The following PRX variants were observed in gnomAD, a reference collection of about 807,000 sequenced individuals.
PRX encodes periaxin.
A neutral mutation model predicts 29.6 loss-of-function variants in PRX; 24 were observed. The ratio of observed to expected loss-of-function variants is 0.81; its 90% CI spans 0.59 to 1.14. The LOEUF (loss-of-function observed/expected upper bound fraction) is 1.14. Among genes scored for constraint, PRX ranks in the 50% most tolerant of loss-of-function variants. The probability of loss-of-function intolerance (pLI) is 0.00; values close to 1 mark genes in which losing one functional copy is unlikely to be tolerated. For missense variants in PRX, 1,838 were observed against 1,926.4 expected (o/e 0.95, Z 0.86); for synonymous variants, 772 against 831.7 (o/e 0.93, Z 1.24).
At position 40,397,007 on chromosome 19, in the gene PRX, C is replaced by T. The variant is rs2145730978; in HGVS notation, c.1345G>A (p.Glu449Lys). The change falls in exon 7 of 7, where the codon GAG (glutamate) becomes AAG (lysine). Residue 449 changes from glutamate to lysine, a missense_variant. By Grantham distance (56) the Glu-to-Lys change is moderately conservative. Around this residue, in one of 3 missense-constraint regions of PRX, gnomAD observed 666 missense variants for 665.0 expected, o/e 1.00. Coordinates refer to ENST00000324001, the MANE Select transcript of PRX (RefSeq NM_181882.3). ...GPEVKLPKAPEVKLPKVPEAA... is the reference protein window; with the variant it reads ...GPEVKLPKAPKVKLPKVPEAA... ...TCGGGCACTTTTGGAAGCTTGACCT[C>T]AGGAGCCTTGGGGAGCTTCACTTCA... The T allele has an allele frequency of 6.2e-7, 1 of 1,614,166 alleles. No homozygotes were observed.
chr19:40,394,517 C>T lies in PRX; in HGVS notation c.3835G>A (p.Val1279Met), dbSNP rs747247972. 7 of 1,600,440 alleles carry T rather than the reference C, an allele frequency of 4.4e-6. No individual in the cohort carries two copies. In the South Asian group the frequency reaches 4.5e-5, roughly 10 times the overall value. Residue 1279 changes from valine to methionine, a missense_variant, in exon 7 of 7, where the codon GTG becomes ATG. Transcript: ENST00000324001. This position sits in a 1 kb window ranked among gnomAD's most constrained non-coding sequence, Gnocchi z 5.8. ...TTGCCCCCGGATGGCGAGAGCTCCACGTCGGGCAGTGAGAGGCAGAAGGTA... is the reference window on the plus strand; with the variant it reads ...TTGCCCCCGGATGGCGAGAGCTCCATGTCGGGCAGTGAGAGGCAGAAGGTA... ...ERTFCLSLPD[V>M]ELSPSGGNHA...
At position 40,397,734 on chromosome 19, in the gene PRX, C is replaced by A. The variant is rs1599656533; in HGVS notation, c.618G>T (p.Arg206=). 6.4e-7 allele frequency: 1 copy of A among 1,561,406 alleles called. No homozygotes were observed. ...TGGGGGGAGGAGCGGCGGCGGCCAG[C>A]CGGGCTGCCTGAGCCTCTTCGGCCA... is the stretch of plus-strand genomic sequence containing the variant. The part of the protein sequence containing the change: ...REVAEEAQAA[R]LAAAAPPPRK... Residue 206 remains arginine (R), a synonymous_variant, in exon 7 of 7, where the codon CGG becomes CGT. Transcript: ENST00000324001.
At chr19:40,411,247 A>C (rs561495366) in intron 1 of PRX, among the ~76,000 whole-genome samples, 1 of 152,334 alleles carries the variant, frequency 6.6e-6, no homozygotes, top group South Asian at 2.1e-4. Context: ...AAACACACCC[A>C]GGCCAGGTGC....
In PRX at chr19:40,397,669, C is replaced by T. The variant is rs562108874; in HGVS notation, c.683G>A (p.Arg228His). ...KVEAEVAAGA[R>H]FTAPQVELVG... is the part of the protein sequence containing the mutation. ...CAGCTCCACCTGAGGGGCTGTGAAA[C>T]GAGCTCCTGCAGCCACCTCAGCCTC... The change falls in exon 7 of 7, where the codon CGT becomes CAT. Residue 228 changes from arginine (R) to histidine (H), a missense_variant. This residue lies in a region of PRX where 666 missense variants were observed against 665.0 expected (regional missense o/e 1.00). Coordinates refer to ENST00000324001, the MANE Select transcript of PRX (RefSeq NM_181882.3). The T allele has an allele frequency of 7.0e-5, 109 of 1,553,730 alleles. No homozygotes were observed. The East Asian group carries it at 1.9e-3, about 28-fold the overall frequency.
upstream of PRX, among the ~76,000 whole-genome samples, chr19:40,414,056 T>C (rs2079571042): frequency 6.6e-6 from 1 of 152,178 alleles, no homozygotes; most frequent in Non-Finnish European, 1.5e-5. Flanking sequence ...ACCTATCACA[T>C]ACTAAGTACC....
In PRX at chr19:40,396,706, G is replaced by A. The variant is rs150582069; in HGVS notation, c.1646C>T (p.Pro549Leu). 32 of 1,613,204 alleles carry A rather than the reference G, an allele frequency of 2.0e-5. No individual in the cohort carries two copies. The African/African-American group carries it at 2.3e-4, about 11-fold the overall frequency. Reference sequence around the variant, plus strand: ...TGGGAGTTTCATCTCTGACACTTTCGGCAGCTGTACCTCTGGAAGCCGCAC... The same window carrying A: ...TGGGAGTTTCATCTCTGACACTTTCAGCAGCTGTACCTCTGGAAGCCGCAC... ...PEVRLPEVQL[P>L]KVSEMKLPEV... The change falls in exon 7 of 7, where the codon CCG becomes CTG. Residue 549 changes from proline to leucine, a missense_variant. Physicochemically the swap from Pro to Leu is moderately conservative, Grantham distance 98 (BLOSUM62 -3). Transcript: ENST00000324001.
intron 5 of PRX, among the ~76,000 whole-genome samples, chr19:40,402,773 T>TAAAA (rs1568713788): frequency 2.0e-5 from 1 of 50,506 alleles, no homozygotes; most frequent in Non-Finnish European, 3.3e-5. Flanking sequence ...AGACTCCGTC[T>TAAAA]CAAAAAAAAA....
chr19:40,412,742 G>C (rs2079564232), intron 1 of PRX, among the ~76,000 whole-genome samples: 2 of 152,076 alleles, frequency 1.3e-5, no homozygotes, highest in South Asian at 4.1e-4. Flanking sequence ...TGGAGACAGG[G>C]TCTCCCTCTG....
Position 40,403,678 on chromosome 19 carries a change from CCCCGCCCCACACCCCGGG to C in PRX, c.184+10_184+27del. On this transcript the variant is annotated intron_variant, in intron 5 of 6. Coordinates refer to ENST00000324001, the MANE Select transcript of PRX (RefSeq NM_181882.3). ...TCCTAACCCCGCCCCCGCAGTTCGA[CCCCGCCCCACACCCCGGG>C]CCCGCCCACCTTCCTGCAGGCTGAG... 6.5e-7 allele frequency: 1 copy of C among 1,531,654 alleles called. No individual in the cohort carries two copies. Among genetic ancestry groups the C allele is most frequent in the Non-Finnish European group, 8.8e-7 (1 of 1,138,012 alleles). The allele number at this position is 1,531,654 out of a possible 1,614,324, so 94.9% of individuals were successfully genotyped here. A position where few individuals can be genotyped will look rare whatever the true frequency, so the allele number is the denominator to read the frequency against.
chr19:40,396,028 T>C lies in PRX; in HGVS notation c.2324A>G (p.Lys775Arg). The C allele has an allele frequency of 3.1e-6, 5 of 1,614,076 alleles. No individual in the cohort carries two copies. The highest frequency in any genetic ancestry group is 4.2e-6 in the Non-Finnish European group (5 of 1,180,024). ...DVHLPKAPEVKLPRAPEVQLK... is the reference protein window; with the variant it reads ...DVHLPKAPEVRLPRAPEVQLK... ...CTGCACCTCCGGAGCCCTGGGCAGC[T>C]TCACCTCTGGTGCCTTCGGAAGATG... The change falls in exon 7 of 7, where the codon AAG (lysine) becomes AGG (arginine). Residue 775 changes from lysine to arginine, a missense_variant. Around this residue, in one of 3 missense-constraint regions of PRX, gnomAD observed 1,143 missense variants for 1,193.0 expected, o/e 0.96. Transcript: ENST00000324001.
Position 40,398,625 on chromosome 19 carries a change from T to G in PRX, c.376A>C (p.Lys126Gln). The G allele has an allele frequency of 6.2e-7, 1 of 1,610,638 alleles. No homozygotes were observed. Among genetic ancestry groups the G allele is most frequent in the Non-Finnish European group, 8.5e-7 (1 of 1,179,578 alleles). Residue 126 changes from lysine (K) to glutamine (Q), a missense_variant, in exon 6 of 7, where the codon AAG becomes CAG. Physicochemically the swap from Lys to Gln is moderately conservative, Grantham distance 53. Transcript: ENST00000324001. The surrounding 1 kb of genome is among the most constrained non-coding windows in gnomAD (Gnocchi z 6.3). ...EIKGPRAKVAKLNIQSLSPVK... is the reference protein window; with the variant it reads ...EIKGPRAKVAQLNIQSLSPVK... Reference sequence around the variant, plus strand: ...GCCGGGCTAAGCACGCGTACCAGCTTGGCCACCTTGGCCCGCGGGCCCTTG... The same window carrying G: ...GCCGGGCTAAGCACGCGTACCAGCTGGGCCACCTTGGCCCGCGGGCCCTTG...
chr19:40,399,887 CTTTCTTTCTTTCTTTCTT>C (rs1398057389), intron 5 of PRX, among the ~76,000 whole-genome samples: 4,611 of 73,850 alleles, frequency 0.062, 171 homozygotes, highest in African/African-American at 0.19. Flanking sequence ...TTCTTTCTTT[CTTTCTTTCTTTCTTTCTT>C]TTTCTTTCTT....
chr19:40,395,498 C>CA lies in PRX; in HGVS notation c.2853dup (p.Gly952TrpfsTer23), dbSNP rs1568704829. On this transcript the variant is annotated frameshift_variant, in exon 7 of 7. Transcript: ENST00000324001. LOFTEE classifies it low-confidence loss of function (END_TRUNC). ...GATACCTTCAGCTTGGTAGCTCGCC[C>CA]AGCCCCCTCAGCCTCTGCCTTAGCC... is the stretch of plus-strand genomic sequence containing the variant. The CA allele has an allele frequency of 3.1e-6, 5 of 1,614,226 alleles. No homozygotes were observed. The highest frequency in any genetic ancestry group is 4.2e-6 in the Non-Finnish European group (5 of 1,180,040).
chr19:40,405,696 G>A (rs1462997421), intron 4 of PRX, among the ~76,000 whole-genome samples: 3 of 133,616 alleles, frequency 2.2e-5, no homozygotes, highest in Non-Finnish European at 4.6e-5. Context: ...TGGGAGTGCA[G>A]TGGCACAATC....
rs922217 is a variant in PRX, at chr19:40,398,967, C to G, written c.185-151G>C. The G allele has an allele frequency of 0.016, 23,873 of 1,481,302 alleles. 460 individuals are homozygous for G. Among genetic ancestry groups the G allele is most frequent in the African/African-American group, 0.082 (5,872 of 72,048 alleles). The allele number at this position is 1,481,302 out of a possible 1,614,324, so 91.8% of individuals were successfully genotyped here. ...AGCGCAGGATTAAGTCGCAGTTACG[C>G]TAGTCCCCGCCCCATGACCTTATCC... On this transcript the variant is annotated intron_variant, in intron 5 of 6. Coordinates refer to ENST00000324001, the MANE Select transcript of PRX (RefSeq NM_181882.3). The surrounding 1 kb of genome is among the most constrained non-coding windows in gnomAD (Gnocchi z 6.3).
At chr19:40,407,760 G>T in intron 4 of PRX, 146 bp downstream of exon 4, 1 of 1,123,306 alleles carries the variant, frequency 8.9e-7, no homozygotes, top group African/African-American at 1.5e-5. Flanking sequence ...TCCTCACAGT[G>T]ACCCATAAAA....
In PRX at chr19:40,397,386, C is replaced by A. The variant is rs139544245; in HGVS notation, c.966G>T (p.Val322=). The A allele has an allele frequency of 6.4e-5, 103 of 1,612,574 alleles. No individual in the cohort carries two copies. The African/African-American group carries it at 1.2e-3, about 19-fold the overall frequency. The change falls in exon 7 of 7, where the codon GTG becomes GTT. Residue 322 remains valine, a synonymous_variant. Coordinates refer to ENST00000324001, the MANE Select transcript of PRX (RefSeq NM_181882.3). ...LETREGAVSV[V]VPTLDVAAPT... ...GTGCTGCCACATCCAGGGTGGGCACCACTACCGACACAGCCCCTTCCCGGG... is the reference window on the plus strand; with the variant it reads ...GTGCTGCCACATCCAGGGTGGGCACAACTACCGACACAGCCCCTTCCCGGG...
Position 40,395,927 on chromosome 19 carries a change from G to A in PRX, c.2425C>T (p.Leu809=), listed in dbSNP as rs145272609. The A allele has an allele frequency of 1.2e-5, 19 of 1,614,040 alleles. No individual in the cohort carries two copies. The highest frequency in any genetic ancestry group is 2.7e-5 in the African/African-American group (2 of 74,940). Residue 809 remains leucine, a synonymous_variant, in exon 7 of 7, where the codon CTA becomes TTA. Coordinates refer to ENST00000324001, the MANE Select transcript of PRX (RefSeq NM_181882.3). ...FKMPKMTMPK[L]GRAESPSRGK... ...CGTGATGGGGACTCTGCCCTCCCTA[G>A]CTTGGGCATGGTCATCTTGGGCATC...
intron 4 of PRX, among the ~76,000 whole-genome samples, chr19:40,404,086 G>T (rs1041410430): frequency 6.6e-6 from 1 of 152,198 alleles, no homozygotes; most frequent in African/African-American, 2.4e-5. Context: ...TTACAGGCGT[G>T]AGCCACCGCG....
Sources: gnomAD v4.1 joint callset for allele counts (sites outside exome capture counted in the v4.1 genomes callset) on GRCh38, gnomAD v4.1.1 for gene constraint, gnomAD v4.1.1 regional missense constraint, Gnocchi (gnomAD v3.1) non-coding constraint, MANE v1.5 for transcripts, NCBI Gene and HGNC (gene_info 2026-07-23, HGNC 2026-07-21) for gene names.